The following LARGE1 variants were observed in gnomAD, a reference collection of about 807,000 sequenced individuals.
LARGE1 encodes LARGE xylosyl- and glucuronyltransferase 1, also known as xylosyl- and glucuronyltransferase LARGE1.
LARGE1 carries 43 observed loss-of-function variants against 87.6 expected under a neutral mutation model. The ratio of observed to expected loss-of-function variants is 0.49; its 90% CI spans 0.38 to 0.63. The LOEUF is 0.63. LARGE1 is among the 30% of genes least tolerant of loss of function. The pLI is 0.00. For missense variants in LARGE1, 802 were observed against 1,000.2 expected, an observed-to-expected ratio of 0.80 and a Z score of 2.67; for synonymous variants, 434 against 394.6, an observed-to-expected ratio of 1.10 and a Z score of -1.18.
chr22:33,090,149 T>C, the LARGE1 span, among the ~76,000 whole-genome samples: 63 of 152,134 alleles, frequency 4.1e-4, 2 homozygotes, highest in East Asian at 0.012. Context: ...AGGTTGCAGA[T>C]AGCCGAGATC....
the LARGE1 span, among the ~76,000 whole-genome samples, chr22:33,082,743 A>G: frequency 6.6e-6 from 1 of 152,232 alleles, no homozygotes; most frequent in East Asian, 1.9e-4. Flanking sequence ...CCTCCCCTCC[A>G]TAAAGCCTTA....
chr22:33,237,902 T>G (rs1926332642), intron 11 of LARGE1, among the ~76,000 whole-genome samples: 2 of 152,014 alleles, frequency 1.3e-5, no homozygotes, highest in Admixed American at 1.3e-4. Context: ...CGCACGGGAG[T>G]ACAGTATGGT....
At chr22:33,748,024 C>CAAAAAAAA (rs535230421) in intron 2 of LARGE1, among the ~76,000 whole-genome samples, 641 of 21,734 alleles carry the variant, frequency 0.029, 126 homozygotes, top group East Asian at 0.063. Flanking sequence ...TCTGCTGGAG[C>CAAAAAAAA]AAAAAAAAAA....
At chr22:33,500,562 C>T (rs1322425286) in intron 6 of LARGE1, among the ~76,000 whole-genome samples, 10 of 152,146 alleles carry the variant, frequency 6.6e-5, no homozygotes, top group South Asian at 4.1e-4. Context: ...TGGTTTACAA[C>T]GTGGGTAAGG....
At chr22:33,543,215 G>GA (rs67400207) in intron 6 of LARGE1, among the ~76,000 whole-genome samples, 1,519 of 146,172 alleles carry the variant, frequency 0.01, 21 homozygotes, top group African/African-American at 0.035. Flanking sequence ...AAGAAAAAAA[G>GA]AAAAAAAAAA....
intron 2 of LARGE1, among the ~76,000 whole-genome samples, chr22:33,760,511 G>A (rs1013781520): frequency 6.6e-6 from 1 of 152,070 alleles, no homozygotes; most frequent in Non-Finnish European, 1.5e-5. Context: ...ATCACAACGC[G>A]CATCGCAACG....
intron 1 of LARGE1, among the ~76,000 whole-genome samples, chr22:33,869,911 C>T (rs1205629667): frequency 6.6e-6 from 1 of 152,196 alleles, no homozygotes; most frequent in Non-Finnish European, 1.5e-5. Context: ...GTTGAAGGCA[C>T]TGTTTTGTTA....
Position 33,289,692 on chromosome 22 carries a change from CCT to C in LARGE1, c.1731-6346_1731-6345del, listed in dbSNP as rs538281527. On this transcript the variant is annotated intron_variant, in intron 12 of 14. Coordinates refer to ENST00000397394, the MANE Select transcript of LARGE1 (RefSeq NM_133642.5). ...TATGAGATCTCGGTCTCTAGCCAGC[CCT>C]CTGAGTCCCTCTTTGTAACAAAAAC... 3.3e-5 allele frequency among the ~76,000 whole-genome samples: 5 copies of C among 152,214 alleles called. No homozygotes were observed. In the East Asian group the frequency reaches 9.7e-4, roughly 29 times the overall value.
chr22:33,289,317 G>T (rs1349413443), intron 12 of LARGE1, among the ~76,000 whole-genome samples: 6 of 152,248 alleles, frequency 3.9e-5, no homozygotes, highest in African/African-American at 4.8e-5. Flanking sequence ...ACAATGGGAA[G>T]CCCTGTGAAC....
chr22:33,541,515 C>T (rs747441017), intron 6 of LARGE1, among the ~76,000 whole-genome samples: 7 of 152,110 alleles, frequency 4.6e-5, no homozygotes, highest in Non-Finnish European at 7.4e-5. Flanking sequence ...TGTGCTGATA[C>T]GGACATGCAT....
At chr22:33,429,280 T>C (rs1399479926) in intron 7 of LARGE1, among the ~76,000 whole-genome samples, 1 of 152,180 alleles carries the variant, frequency 6.6e-6, no homozygotes, top group Non-Finnish European at 1.5e-5. Context: ...CATTTTGATG[T>C]TGCCTAAGTC....
At chr22:33,335,794 T>C (rs1938370090) in intron 10 of LARGE1, among the ~76,000 whole-genome samples, 1 of 152,192 alleles carries the variant, frequency 6.6e-6, no homozygotes, top group Admixed American at 6.5e-5. Context: ...GGGAGGCTCA[T>C]TCATGTCATT....
chr22:33,618,259 C>G (rs1217802761), intron 4 of LARGE1, among the ~76,000 whole-genome samples: 1 of 152,156 alleles, frequency 6.6e-6, no homozygotes, highest in African/African-American at 2.4e-5. Context: ...ATCAGAAAAG[C>G]TTTCCAAAAG....
At chr22:33,412,578 A>T (rs1456931035) in intron 7 of LARGE1, among the ~76,000 whole-genome samples, 1 of 152,182 alleles carries the variant, frequency 6.6e-6, no homozygotes, top group Non-Finnish European at 1.5e-5. Context: ...ACAAGTTTTA[A>T]GAGTTTTGAG....
intron 2 of LARGE1, among the ~76,000 whole-genome samples, chr22:33,712,822 T>A (rs2082776669): frequency 6.6e-6 from 1 of 151,956 alleles, no homozygotes; most frequent in African/African-American, 2.4e-5. Context: ...TCAACCAGAG[T>A]GAAATTTAAA....
At chr22:33,825,916 G>A (rs1274134533) in intron 1 of LARGE1, among the ~76,000 whole-genome samples, 1 of 151,948 alleles carries the variant, frequency 6.6e-6, no homozygotes, top group African/African-American at 2.4e-5. Flanking sequence ...ACAAGGCTGG[G>A]AGACAGAAAC....
At chr22:33,750,097 CTAAA>C (rs1196839386) in intron 2 of LARGE1, among the ~76,000 whole-genome samples, 1 of 152,132 alleles carries the variant, frequency 6.6e-6, no homozygotes, top group Non-Finnish European at 1.5e-5. Context: ...AACTCAAAGT[CTAAA>C]TGAGCCAGAC....
At chr22:33,120,362 CTTTCTT>C in the LARGE1 span, among the ~76,000 whole-genome samples, 8 of 83,100 alleles carry the variant, frequency 9.6e-5, no homozygotes, top group East Asian at 1.9e-3. Flanking sequence ...CTTTCTTTTT[CTTTCTT>C]TCTTTCTTTC....
At chr22:33,140,006 T>C in the LARGE1 span, among the ~76,000 whole-genome samples, 2 of 152,218 alleles carry the variant, frequency 1.3e-5, no homozygotes, top group African/African-American at 4.8e-5. Context: ...TCTCCTTGGC[T>C]TGCTTCTCCA....
Sources: allele counts gnomAD v4.1 joint callset (sites outside exome capture counted in the v4.1 genomes callset), GRCh38; gene constraint gnomAD v4.1.1; transcripts MANE v1.5; gene names NCBI Gene and HGNC (gene_info 2026-07-23, HGNC 2026-07-21).